The following MTUS2 variants were observed in gnomAD, a reference collection of about 807,000 sequenced individuals.
The protein encoded by MTUS2 is microtubule associated scaffold protein 2, also known as microtubule-associated tumor suppressor candidate 2.
Under a neutral mutation model 114.1 loss-of-function variants are expected in MTUS2, and 40 were observed. The observed-to-expected ratio is 0.35, with a 90% confidence interval of 0.27 to 0.46. The LOEUF (loss-of-function observed/expected upper bound fraction) is 0.46, where lower values mean the gene tolerates loss of function less well. MTUS2 is among the 20% of genes least tolerant of loss of function. The pLI is 1.00. For missense variants in MTUS2, 1,679 were observed against 1,705.4 expected, an observed-to-expected ratio of 0.98 and a Z score of 0.27; for synonymous variants, 688 against 672.0, an observed-to-expected ratio of 1.02 and a Z score of -0.37.
intron 4 of MTUS2, among the ~76,000 whole-genome samples, chr13:29,089,591 G>T (rs994869007): frequency 1.3e-5 from 2 of 152,206 alleles, no homozygotes; most frequent in African/African-American, 4.8e-5. Context: ...AGGAATGCCA[G>T]TGAGTCATAG....
intron 2 of MTUS2, among the ~76,000 whole-genome samples, chr13:28,912,901 T>G (rs941129944): frequency 2.6e-5 from 4 of 152,182 alleles, no homozygotes; most frequent in African/African-American, 7.2e-5. Context: ...CTTTAAGTTT[T>G]AGGGTACATG....
intron 8 of MTUS2, among the ~76,000 whole-genome samples, chr13:29,363,341 T>A (rs757882059): frequency 1.3e-5 from 2 of 152,210 alleles, no homozygotes; most frequent in Admixed American, 1.3e-4. Context: ...TATTCTTGTC[T>A]TCTTTGTTAA....
rs57824769 is a variant in MTUS2, at chr13:29,204,069, C to T, written c.2645-77635C>T. Among the ~76,000 whole-genome samples, 1,088 of 152,086 alleles carry T rather than the reference C, an allele frequency of 7.2e-3. 21 individuals are homozygous for T. Among genetic ancestry groups the T allele is most frequent in the East Asian group, 0.068 (349 of 5,138 alleles). ...CCACCTCCCAGTTTCAGGTGATTCT[C>T]CTGCCTCAGCCTCCAAAGTAGCTGG... On this transcript the variant is annotated intron_variant, in intron 5 of 15. Coordinates refer to ENST00000612955, the MANE Select transcript of MTUS2 (RefSeq NM_001033602.4).
At chr13:29,490,985 A>ATGTGTGTGTGGG (rs1555286009) in intron 11 of MTUS2, among the ~76,000 whole-genome samples, 112 of 148,354 alleles carry the variant, frequency 7.5e-4, no homozygotes, top group Non-Finnish European at 1.5e-3. Flanking sequence ...AGAAGTGTGG[A>ATGTGTGTGTGGG]TGTGTGTGTG....
chr13:29,303,953 A>G lies in MTUS2; in HGVS notation c.2807-20660A>G, dbSNP rs112355973. On this transcript the variant is annotated intron_variant, in intron 6 of 15. Transcript: ENST00000612955. ...CAGTAGACTTCTCAGTAGAAAATCT[A>G]CAAGCCAGAAGAGTTTGGAGGCCAA... Among the ~76,000 whole-genome samples the G allele has an allele frequency of 6.2e-3, 947 of 152,350 alleles. 13 individuals are homozygous for G. Among genetic ancestry groups the G allele is most frequent in the African/African-American group, 0.022 (902 of 41,574 alleles).
At chr13:28,923,489 T>C (rs1881160864) in intron 2 of MTUS2, among the ~76,000 whole-genome samples, 1 of 152,248 alleles carries the variant, frequency 6.6e-6, no homozygotes, top group Non-Finnish European at 1.5e-5. Flanking sequence ...ATTTAATCTT[T>C]AAGACTGTTT....
At position 28,905,289 on chromosome 13, in the gene MTUS2, A is replaced by G. The variant is rs376683016; in HGVS notation, c.-243+65439A>G. ...TGCCCTGGCCAGAACTTCCAACACT[A>G]TGTTGAATAGGAGTGGTGACAGAGG... is the stretch of plus-strand genomic sequence containing the variant. On this transcript the variant is annotated intron_variant, in intron 2 of 15. Coordinates refer to ENST00000612955, the MANE Select transcript of MTUS2 (RefSeq NM_001033602.4). 3.0e-4 allele frequency among the ~76,000 whole-genome samples: 45 copies of G among 151,638 alleles called. 2 individuals carry two copies. Among genetic ancestry groups the G allele is most frequent in the Admixed American group, 2.3e-3 (35 of 15,252 alleles).
At chr13:29,428,377 G>A (rs9551677) in intron 8 of MTUS2, among the ~76,000 whole-genome samples, 23,107 of 152,302 alleles carry the variant, frequency 0.15, 2,567 homozygotes, top group East Asian at 0.51. Context: ...CTCGCCTTTT[G>A]TGCTTCCTGC....
At chr13:29,343,205 T>TG (rs397754580) in intron 7 of MTUS2, among the ~76,000 whole-genome samples, 2 of 151,544 alleles carry the variant, frequency 1.3e-5, no homozygotes, top group South Asian at 4.2e-4. Flanking sequence ...CCTCTTTGTC[T>TG]TTTGAATTAG....
At chr13:29,409,324 A>G (rs536635718) in intron 8 of MTUS2, among the ~76,000 whole-genome samples, 22 of 152,346 alleles carry the variant, frequency 1.4e-4, no homozygotes, top group African/African-American at 4.8e-4. Context: ...AAAAAAAACA[A>G]AAAATCAAAT....
intron 9 of MTUS2, among the ~76,000 whole-genome samples, chr13:29,450,004 A>G (rs1878575538): frequency 6.6e-6 from 1 of 152,184 alleles, no homozygotes. Flanking sequence ...CCACTGTCCT[A>G]TGACCGCAAG....
intron 2 of MTUS2, among the ~76,000 whole-genome samples, chr13:28,924,484 C>T (rs1379968368): frequency 6.6e-6 from 1 of 152,188 alleles, no homozygotes; most frequent in African/African-American, 2.4e-5. Flanking sequence ...TGTGTCTGGC[C>T]AAGGTCAAAG....
rs189187436 is a variant in MTUS2 at position 29,450,185 on chromosome 13, C to T, written c.3184+10136C>T. 1.7e-3 allele frequency among the ~76,000 whole-genome samples: 257 copies of T among 152,292 alleles called. 1 individual carries two copies. The highest frequency in any genetic ancestry group is 6.0e-3 in the African/African-American group (248 of 41,568). On this transcript the variant is annotated intron_variant, in intron 9 of 15. Coordinates refer to ENST00000612955, the MANE Select transcript of MTUS2 (RefSeq NM_001033602.4). ...CCAGGAACTGCACTTGACTATACATCTCTTTGGCCAGAACTAAGTCACAAG... is the reference window on the plus strand; with the variant it reads ...CCAGGAACTGCACTTGACTATACATTTCTTTGGCCAGAACTAAGTCACAAG...
At chr13:28,883,920 A>G (rs947166018) in intron 2 of MTUS2, among the ~76,000 whole-genome samples, 4 of 152,180 alleles carry the variant, frequency 2.6e-5, no homozygotes, top group Non-Finnish European at 5.9e-5. Flanking sequence ...GGGAAATTGG[A>G]ACTCACGTGC....
At chr13:29,359,511 G>A (rs1429626632) in intron 8 of MTUS2, 38 bp downstream of exon 8, 48 of 1,579,152 alleles carry the variant, frequency 3.0e-5, no homozygotes, top group Non-Finnish European at 4.1e-5. Context: ...GGGCATTTTG[G>A]TTGGAGGAGA....
At chr13:28,891,492 A>G (rs1412100759) in intron 2 of MTUS2, among the ~76,000 whole-genome samples, 2 of 152,246 alleles carry the variant, frequency 1.3e-5, no homozygotes, top group Non-Finnish European at 2.9e-5. Flanking sequence ...GCATTAAAAA[A>G]TAGTATGAGG....
At chr13:29,168,326 G>GC (rs1410343567) in intron 5 of MTUS2, among the ~76,000 whole-genome samples, 1 of 152,070 alleles carries the variant, frequency 6.6e-6, no homozygotes, top group Non-Finnish European at 1.5e-5. Flanking sequence ...TTGTTCCATA[G>GC]CCCCTAACTA....
chr13:29,193,594 G>A (rs540485133), intron 5 of MTUS2, among the ~76,000 whole-genome samples: 3 of 152,182 alleles, frequency 2.0e-5, no homozygotes, highest in African/African-American at 4.8e-5. Flanking sequence ...AAATAAAAGA[G>A]GATACAAAGA....
At chr13:29,042,170 C>G (rs2138561424) in intron 4 of MTUS2, among the ~76,000 whole-genome samples, 1 of 152,190 alleles carries the variant, frequency 6.6e-6, no homozygotes, top group Middle Eastern at 3.4e-3. Flanking sequence ...GGGTTTTAAT[C>G]ATAAAGGGAT....
Sources: allele counts gnomAD v4.1 joint callset (sites outside exome capture counted in the v4.1 genomes callset), GRCh38; gene constraint gnomAD v4.1.1; transcripts MANE v1.5; gene names NCBI Gene and HGNC (gene_info 2026-07-23, HGNC 2026-07-21).